Variants in PRKN observed in about 807,000 individuals in gnomAD.
The protein encoded by PRKN is E3 ubiquitin-protein ligase parkin.
PRKN carries 56 observed loss-of-function variants against 59.5 expected under a neutral mutation model. The observed-to-expected ratio is 0.94, with a 90% CI of 0.76 to 1.18. The LOEUF is 1.18. Ranked by LOEUF, PRKN falls within the 50% of genes most tolerant of loss-of-function variation. The pLI is 0.00. For synonymous variants in PRKN, 250 were observed against 222.1 expected, an observed-to-expected ratio of 1.13 and a Z score of -1.12; for missense variants, 657 against 596.4, an observed-to-expected ratio of 1.10 and a Z score of -1.06.
chr6:161,598,550 A>T (rs1289858320), intron 7 of PRKN, among the ~76,000 whole-genome samples: 2 of 152,214 alleles, frequency 1.3e-5, no homozygotes, highest in Admixed American at 1.3e-4. Flanking sequence ...CTGGAGTAAA[A>T]ACCCAAAACA....
In PRKN at chr6:161,527,637, C is replaced by T. The variant is rs1779063252; in HGVS notation, c.1083+21217G>A. 2.6e-5 allele frequency among the ~76,000 whole-genome samples: 4 copies of T among 152,234 alleles called. No individual in the cohort carries two copies. Among genetic ancestry groups the T allele is most frequent in the Admixed American group, 2.6e-4 (4 of 15,286 alleles). ...GGTGGGGAGGCAAAGAGGACACGCA[C>T]TGCATCTTCTTCCCTTGCACTTCCT... On this transcript the variant is annotated intron_variant, in intron 9 of 11. Coordinates refer to ENST00000366898, the MANE Select transcript of PRKN (RefSeq NM_004562.3). The surrounding 1 kb of genome is among the most constrained non-coding windows in gnomAD (Gnocchi z 4.6).
chr6:162,322,325 AT>A (rs1783067353), intron 2 of PRKN, among the ~76,000 whole-genome samples: 1 of 152,072 alleles, frequency 6.6e-6, no homozygotes. Flanking sequence ...ATGGAGCAGT[AT>A]TTGCTCTGGA....
intron 6 of PRKN, among the ~76,000 whole-genome samples, chr6:161,805,494 A>ATGCATG (rs1791279376): frequency 6.8e-6 from 1 of 146,768 alleles, no homozygotes; most frequent in African/African-American, 2.5e-5. Flanking sequence ...ATGTACACAC[A>ATGCATG]CATGTACACA....
intron 1 of PRKN, among the ~76,000 whole-genome samples, chr6:162,713,982 C>A (rs1012586873): frequency 6.6e-6 from 1 of 152,076 alleles, no homozygotes; most frequent in Non-Finnish European, 1.5e-5. Context: ...CACTTGTCTC[C>A]GTAATTCAAT....
Position 161,454,876 on chromosome 6 carries a change from C to G in PRKN, c.1084-67999G>C, listed in dbSNP as rs1236350553. 6.6e-6 allele frequency among the ~76,000 whole-genome samples: 1 copy of G among 152,146 alleles called. No homozygotes were observed. Among genetic ancestry groups the G allele is most frequent in the African/African-American group, 2.4e-5 (1 of 41,422 alleles). ...GTCTAAAGTCATCCTTCCACTCCCCCAGTTGTCTCAGTTTCTCTGTCTTTT... is the reference window on the plus strand; with the variant it reads ...GTCTAAAGTCATCCTTCCACTCCCCGAGTTGTCTCAGTTTCTCTGTCTTTT... On this transcript the variant is annotated intron_variant, in intron 9 of 11. Transcript: ENST00000366898. The surrounding 1 kb of genome is among the most constrained non-coding windows in gnomAD (Gnocchi z 4.6).
chr6:162,705,240 C>T (rs1778297545), intron 1 of PRKN, among the ~76,000 whole-genome samples: 1 of 152,134 alleles, frequency 6.6e-6, no homozygotes, highest in East Asian at 1.9e-4. Flanking sequence ...CCTCCTCACC[C>T]CTTAAAGTGA....
rs145069813 is a variant in PRKN at position 161,805,713 on chromosome 6, G to A, written c.735-19805C>T. Among the ~76,000 whole-genome samples, 24 of 152,306 alleles carry A rather than the reference G, an allele frequency of 1.6e-4. No individual in the cohort carries two copies. The East Asian group carries it at 4.2e-3, about 27-fold the overall frequency. On this transcript the variant is annotated intron_variant, in intron 6 of 11. Coordinates refer to ENST00000366898, the MANE Select transcript of PRKN (RefSeq NM_004562.3). ...AAGGATTCTGTTTTCTAGAACACAG[G>A]AGAATTATCATTTGATGTGTCTGAA...
intron 2 of PRKN, among the ~76,000 whole-genome samples, chr6:162,267,974 A>G (rs978481848): frequency 2.0e-5 from 3 of 152,204 alleles, no homozygotes. Context: ...AGTTACAAAT[A>G]TCATCTCTAA....
intron 3 of PRKN, among the ~76,000 whole-genome samples, chr6:162,244,314 G>C (rs986547326): frequency 7.2e-5 from 11 of 151,772 alleles, no homozygotes; most frequent in Non-Finnish European, 2.9e-5. Flanking sequence ...ATCTTATTCT[G>C]TATTAAAGTA....
At chr6:162,656,862 T>C (rs1039359943) in intron 1 of PRKN, among the ~76,000 whole-genome samples, 3 of 152,112 alleles carry the variant, frequency 2.0e-5, no homozygotes, top group African/African-American at 7.2e-5. Context: ...GCCATACTCC[T>C]CTCAATCCCA....
chr6:161,450,095 G>C (rs1267501890), intron 9 of PRKN, among the ~76,000 whole-genome samples: 1 of 152,160 alleles, frequency 6.6e-6, no homozygotes, highest in East Asian at 1.9e-4. Flanking sequence ...TAAACAAACT[G>C]TTGATTCCTT....
intron 1 of PRKN, among the ~76,000 whole-genome samples, chr6:162,688,925 G>C (rs945666530): frequency 6.6e-6 from 1 of 152,124 alleles, no homozygotes; most frequent in Non-Finnish European, 1.5e-5. Flanking sequence ...AGCTTAGCTT[G>C]ACAGAAAGGC....
intron 3 of PRKN, among the ~76,000 whole-genome samples, chr6:162,257,966 T>C (rs78201953): frequency 0.023 from 3,493 of 152,212 alleles, 129 homozygotes; most frequent in African/African-American, 0.08. Context: ...TCTGACATCC[T>C]CTTCTCCGAG....
At chr6:161,838,995 G>A (rs1351163371) in intron 6 of PRKN, among the ~76,000 whole-genome samples, 1 of 152,166 alleles carries the variant, frequency 6.6e-6, no homozygotes, top group Non-Finnish European at 1.5e-5. Flanking sequence ...TTGCTCTAGA[G>A]GAGGAGGGAC....
chr6:161,445,719 G>A lies in PRKN; in HGVS notation c.1084-58842C>T, dbSNP rs533030746. The stretch of plus-strand genomic sequence containing the variant: ...GAGTGCATGGTCTCCCTTCACGTGC[G>A]GGGCCAGGTGACTGCACAGAGTGAT... On this transcript the variant is annotated intron_variant, in intron 9 of 11. Transcript: ENST00000366898. The surrounding 1 kb of genome is among the most constrained non-coding windows in gnomAD (Gnocchi z 7.7). Among the ~76,000 whole-genome samples the A allele has an allele frequency of 1.2e-4, 19 of 152,258 alleles. No homozygotes were observed. The South Asian group carries it at 2.9e-3, about 23-fold the overall frequency.
rs531572285 is a variant in PRKN, at chr6:161,429,168, A to G, written c.1084-42291T>C. 7.2e-5 allele frequency among the ~76,000 whole-genome samples: 11 copies of G among 152,306 alleles called. No individual in the cohort carries two copies. In the East Asian group the frequency reaches 7.7e-4, roughly 11 times the overall value. On this transcript the variant is annotated intron_variant, in intron 9 of 11. Transcript: ENST00000366898. This position sits in a 1 kb window ranked among gnomAD's most constrained non-coding sequence, Gnocchi z 4.2. The stretch of plus-strand genomic sequence containing the variant: ...GCTCCTATCACCTATATCACACTTC[A>G]TATGATGTAAGATACAATTTATATA...
At chr6:162,684,966 A>T (rs1231435770) in intron 1 of PRKN, among the ~76,000 whole-genome samples, 1 of 152,136 alleles carries the variant, frequency 6.6e-6, no homozygotes, top group South Asian at 2.1e-4. Flanking sequence ...GTTTTTCATA[A>T]ACATGTTTAC....
intron 8 of PRKN, among the ~76,000 whole-genome samples, chr6:161,559,127 G>A (rs1316117737): frequency 2.7e-5 from 4 of 148,852 alleles, no homozygotes; most frequent in African/African-American, 9.8e-5. Context: ...AGAAGTTTTT[G>A]GTTTTTTTTT....
intron 2 of PRKN, among the ~76,000 whole-genome samples, chr6:162,411,329 T>C (rs920476376): frequency 3.9e-5 from 6 of 152,186 alleles, no homozygotes; most frequent in Non-Finnish European, 7.4e-5. Flanking sequence ...GTAGCTCTTA[T>C]ACCGGAATGA....
Sources: allele counts gnomAD v4.1 joint callset (sites outside exome capture counted in the v4.1 genomes callset), GRCh38; gene constraint gnomAD v4.1.1; non-coding constraint Gnocchi (gnomAD v3.1); transcripts MANE v1.5; gene names NCBI Gene and HGNC (gene_info 2026-07-23, HGNC 2026-07-21).